Variants in ZFYVE9 observed in about 807,000 individuals in gnomAD.
The protein encoded by ZFYVE9 is zinc finger FYVE domain-containing protein 9.
A neutral mutation model predicts 126.7 loss-of-function variants in ZFYVE9; 43 were observed. The ratio of observed to expected loss-of-function variants is 0.34; its 90% CI spans 0.27 to 0.44. The LOEUF is 0.44. Ranked by LOEUF, ZFYVE9 falls within the 20% of genes least tolerant of loss-of-function variation. The pLI is 1.00. For synonymous variants in ZFYVE9, 521 were observed against 597.4 expected (o/e 0.87, Z 1.87); for missense variants, 1,476 against 1,697.0 (o/e 0.87, Z 2.29).
chr1:52,273,455 G>A (rs1645714296), intron 7 of ZFYVE9, among the ~76,000 whole-genome samples: 1 of 152,098 alleles, frequency 6.6e-6, no homozygotes, highest in Non-Finnish European at 1.5e-5. Flanking sequence ...ATAATTAAGT[G>A]GATTTAACGC....
chr1:52,229,953 C>T (rs1163659059), intron 2 of ZFYVE9, among the ~76,000 whole-genome samples: 29 of 150,392 alleles, frequency 1.9e-4, no homozygotes, highest in African/African-American at 6.4e-4. Flanking sequence ...CTGCAAGCTC[C>T]GCCTCCCAGG....
rs563264288 is a variant in ZFYVE9, at chr1:52,221,260, A to G, written c.-37+4786A>G. On this transcript the variant is annotated intron_variant, in intron 2 of 18. Coordinates refer to ENST00000287727, the MANE Select transcript of ZFYVE9 (RefSeq NM_004799.4). Reference sequence around the variant, plus strand: ...GTACCTGTTGTACCTTTTTCCTTCAATGATCCGGGGGGAACCATCTGTAAA... The same window carrying G: ...GTACCTGTTGTACCTTTTTCCTTCAGTGATCCGGGGGGAACCATCTGTAAA... Among the ~76,000 whole-genome samples the G allele has an allele frequency of 1.3e-3, 199 of 152,240 alleles. 2 individuals are homozygous for G. The highest frequency in any genetic ancestry group is 0.01 in the Middle Eastern group (3 of 294).
At chr1:52,149,987 C>G (rs899480912) in intron 1 of ZFYVE9, 8 of 152,134 alleles carry the variant, frequency 5.3e-5, no homozygotes, top group Non-Finnish European at 1.2e-4. Context: ...TTAAAGTTTG[C>G]TGTTTATCTG....
At chr1:52,149,816 G>T (rs113032251) in intron 1 of ZFYVE9, among the ~76,000 whole-genome samples, 4 of 152,074 alleles carry the variant, frequency 2.6e-5, no homozygotes, top group African/African-American at 9.7e-5. Context: ...AAGCTGAAAG[G>T]CTTGTTCTGG....
At chr1:52,193,707 CAAAAA>C (rs771434275) in intron 1 of ZFYVE9, among the ~76,000 whole-genome samples, 6 of 56,402 alleles carry the variant, frequency 1.1e-4, no homozygotes, top group South Asian at 9.4e-4. Context: ...AACTCTGTCT[CAAAAA>C]AAAAAAAAAA....
chr1:52,245,093 G>A (rs1272720439), intron 4 of ZFYVE9, among the ~76,000 whole-genome samples: 1 of 151,988 alleles, frequency 6.6e-6, no homozygotes, highest in African/African-American at 2.4e-5. Flanking sequence ...AGGAGGCAGA[G>A]GTTGCAGTGA....
At chr1:52,198,681 C>T (rs561762137) in intron 1 of ZFYVE9, among the ~76,000 whole-genome samples, 1 of 152,252 alleles carries the variant, frequency 6.6e-6, no homozygotes, top group East Asian at 1.9e-4. Context: ...TTGACTGGAT[C>T]AGTAGTGATT....
intron 4 of ZFYVE9, among the ~76,000 whole-genome samples, chr1:52,254,564 A>G (rs1645485300): frequency 6.6e-6 from 1 of 152,194 alleles, no homozygotes; most frequent in Non-Finnish European, 1.5e-5. Context: ...TTTTTGAGCT[A>G]ATGATTCCTT....
At chr1:52,185,046 C>T (rs1418365289) in intron 1 of ZFYVE9, among the ~76,000 whole-genome samples, 1 of 152,166 alleles carries the variant, frequency 6.6e-6, no homozygotes, top group African/African-American at 2.4e-5. Context: ...TGATGACGTA[C>T]AACATTTTTT....
chr1:52,226,405 A>G lies in ZFYVE9; in HGVS notation c.-36-6766A>G, dbSNP rs1645170974. Among the ~76,000 whole-genome samples, 4 of 152,218 alleles carry G rather than the reference A, an allele frequency of 2.6e-5. No homozygotes were observed. The Middle Eastern group carries it at 0.01, about 388-fold the overall frequency. On this transcript the variant is annotated intron_variant, in intron 2 of 18. Coordinates refer to ENST00000287727, the MANE Select transcript of ZFYVE9 (RefSeq NM_004799.4). ...ACAAAAATTAGCCGGGCATGGTGGC[A>G]CAAGCCTGTAATCCCAGCTACTCGG... is the stretch of plus-strand genomic sequence containing the variant.
chr1:52,234,274 A>T (rs1645252250), intron 3 of ZFYVE9, among the ~76,000 whole-genome samples: 1 of 152,198 alleles, frequency 6.6e-6, no homozygotes, highest in Non-Finnish European at 1.5e-5. Context: ...AGTCCAGGCA[A>T]CATGATGAAA....
chr1:52,302,084 T>G (rs777268276), intron 12 of ZFYVE9, among the ~76,000 whole-genome samples: 1 of 152,218 alleles, frequency 6.6e-6, no homozygotes, highest in Non-Finnish European at 1.5e-5. Context: ...TAATAACTAT[T>G]GTAATGCCTT....
rs914978116 is a variant in ZFYVE9, at chr1:52,268,334, T to C, written c.2456-129T>C. 3.5e-6 allele frequency: 3 copies of C among 854,570 alleles called. No individual in the cohort carries two copies. In the African/African-American group the frequency reaches 5.0e-5, roughly 14 times the overall value. 52.9% of individuals were successfully genotyped at this position (854,570 alleles called of 1,614,324 possible). A position where few individuals can be genotyped will look rare whatever the true frequency, so the allele number is the denominator to read the frequency against. The stretch of plus-strand genomic sequence containing the variant: ...CTTTTATATACAGTTACATTTCTGA[T>C]GTTTCTGATTGTAAGTTGCCAAGTA... On this transcript the variant is annotated intron_variant, in intron 6 of 18. Transcript: ENST00000287727.
At chr1:52,237,438 C>A in intron 3 of ZFYVE9, 50 bp from the exon 4 acceptor site, 1 of 1,460,180 alleles carries the variant, frequency 6.8e-7, no homozygotes, top group African/African-American at 1.4e-5. Context: ...TAGTCATAAG[C>A]TTTTCCAGTG....
At chr1:52,163,976 C>T (rs1644486884) in intron 1 of ZFYVE9, among the ~76,000 whole-genome samples, 1 of 151,906 alleles carries the variant, frequency 6.6e-6, no homozygotes, top group South Asian at 2.1e-4. Context: ...TTTTTTAAGA[C>T]AGGGTCTCAC....
chr1:52,318,149 A>G (rs1273790114), intron 13 of ZFYVE9, among the ~76,000 whole-genome samples: 1 of 152,192 alleles, frequency 6.6e-6, no homozygotes, highest in Non-Finnish European at 1.5e-5. Context: ...ATAGTTAACA[A>G]ATTTTTAGTA....
intron 1 of ZFYVE9, among the ~76,000 whole-genome samples, chr1:52,155,234 C>CT (rs202048189): frequency 0.059 from 7,554 of 128,970 alleles, 599 homozygotes; most frequent in African/African-American, 0.17. Flanking sequence ...TCTTTTTTTT[C>CT]TTTTTTTTTT....
intron 1 of ZFYVE9, among the ~76,000 whole-genome samples, chr1:52,171,447 C>T (rs1351828497): frequency 6.6e-6 from 1 of 152,120 alleles, no homozygotes; most frequent in Non-Finnish European, 1.5e-5. Flanking sequence ...GTGAATAGTG[C>T]CGCAATAAAC....
At chr1:52,342,411 G>A (rs1298414630) in intron 17 of ZFYVE9, among the ~76,000 whole-genome samples, 1 of 149,636 alleles carries the variant, frequency 6.7e-6, no homozygotes, top group African/African-American at 2.5e-5. Flanking sequence ...GATTACAGGC[G>A]CCCGCTACCA....
Sources: allele counts gnomAD v4.1 joint callset (sites outside exome capture counted in the v4.1 genomes callset), GRCh38; gene constraint gnomAD v4.1.1; transcripts MANE v1.5; gene names NCBI Gene and HGNC (gene_info 2026-07-23, HGNC 2026-07-21).